ANKRD42: variants seen among roughly 807,000 people sequenced by gnomAD.
The protein encoded by ANKRD42 is ankyrin repeat domain-containing protein 42.
A neutral mutation model predicts 51.5 loss-of-function variants in ANKRD42; 43 were observed. The ratio of observed to expected loss-of-function variants is 0.83; its 90% CI spans 0.65 to 1.08. ANKRD42 has a LOEUF of 1.08. Among genes scored for constraint, ANKRD42 ranks in the 50% least tolerant of loss-of-function variants. ANKRD42 has a pLI of 0.00. For missense variants in ANKRD42, 608 were observed against 629.3 expected, an observed-to-expected ratio of 0.97 and a Z score of 0.36; for synonymous variants, 203 against 213.0, an observed-to-expected ratio of 0.95 and a Z score of 0.41.
At chr11:83,222,002 C>T (rs745316633) in intron 5 of ANKRD42, among the ~76,000 whole-genome samples, 3 of 152,190 alleles carry the variant, frequency 2.0e-5, no homozygotes, top group Non-Finnish European at 4.4e-5. Flanking sequence ...TTCACTTTTT[C>T]CAGTATAAAA....
At chr11:83,210,551 C>G in intron 4 of ANKRD42, 132 bp downstream of exon 4, 1 of 1,122,900 alleles carries the variant, frequency 8.9e-7, no homozygotes, top group East Asian at 2.6e-5. Context: ...ATTTTTCTCT[C>G]TAGCTTTTCT....
chr11:83,206,758 T>A (rs1862092771), intron 3 of ANKRD42, among the ~76,000 whole-genome samples: 1 of 152,188 alleles, frequency 6.6e-6, no homozygotes, highest in South Asian at 2.1e-4. Context: ...TGCTCCCCAG[T>A]TTATGATATT....
intron 3 of ANKRD42, among the ~76,000 whole-genome samples, chr11:83,208,683 A>G (rs1862181275): frequency 6.6e-6 from 1 of 152,192 alleles, no homozygotes; most frequent in African/African-American, 2.4e-5. Flanking sequence ...ATAACAGATA[A>G]TTATGATGGA....
rs1397088390 is a variant in ANKRD42, at chr11:83,248,899, T to C, written c.*695T>C. ...CTATGCATATGCAAATATAACCACTTCCTCAGTTTCTCTGGGTTTTGGTGT... is the reference window on the plus strand; with the variant it reads ...CTATGCATATGCAAATATAACCACTCCCTCAGTTTCTCTGGGTTTTGGTGT... On this transcript the variant is annotated 3_prime_UTR_variant, in exon 11 of 11. Transcript: ENST00000533342. 1 of 982,718 alleles carries C rather than the reference T, an allele frequency of 1.0e-6. No individual in the cohort carries two copies. The highest frequency in any genetic ancestry group is 1.2e-6 in the Non-Finnish European group (1 of 827,604). The allele number at this position is 982,718 out of a possible 1,614,324, so 60.9% of individuals were successfully genotyped here. A position where few individuals can be genotyped will look rare whatever the true frequency, so the allele number is the denominator to read the frequency against.
chr11:83,225,685 CAGG>C (rs1201760598), intron 6 of ANKRD42, among the ~76,000 whole-genome samples: 1 of 146,346 alleles, frequency 6.8e-6, no homozygotes, highest in Non-Finnish European at 1.5e-5. Flanking sequence ...GAGGTTCAGG[CAGG>C]AGAATCACCT....
At chr11:83,243,792 G>A (rs144666028) in intron 9 of ANKRD42, among the ~76,000 whole-genome samples, 2,741 of 151,880 alleles carry the variant, frequency 0.018, 64 homozygotes, top group African/African-American at 0.058. Context: ...CTCCTGAGTA[G>A]CTGGGACTAC....
chr11:83,245,505 TTA>T lies in ANKRD42; in HGVS notation c.1204_1205del (p.Tyr402GlnfsTer18). 1 of 1,536,190 alleles carries T rather than the reference TTA, an allele frequency of 6.5e-7. No homozygotes were observed. ...LDKTDARMRA[Y>X]KKIVELRHLL... ...CTCAACTCTGTCTTGCAGTGAGAGC[TTA>T]CAAGAAAATTGTAGAATTGAGACAC... On this transcript the variant is annotated frameshift_variant, in exon 10 of 11. Transcript: ENST00000533342. LOFTEE classifies it high-confidence loss of function.
intron 3 of ANKRD42, 75 bp from the exon 4 acceptor site, chr11:83,210,225 T>A (rs1862256141): frequency 6.9e-7 from 1 of 1,455,544 alleles, no homozygotes; most frequent in African/African-American, 1.4e-5. Flanking sequence ...TTGCTTGCCT[T>A]TGTATAATCT....
chr11:83,229,738 A>G (rs1863010834), intron 7 of ANKRD42, among the ~76,000 whole-genome samples: 1 of 152,200 alleles, frequency 6.6e-6, no homozygotes, highest in African/African-American at 2.4e-5. Context: ...TCGTGAGTCC[A>G]TCCATCAAGG....
At position 83,224,984 on chromosome 11, in the gene ANKRD42, T is replaced by G; in HGVS notation, c.716T>G (p.Phe239Cys). 1 of 1,613,736 alleles carries G rather than the reference T, an allele frequency of 6.2e-7. No homozygotes were observed. Among genetic ancestry groups the G allele is most frequent in the Non-Finnish European group, 8.5e-7 (1 of 1,179,754 alleles). The change falls in exon 6 of 11, where the codon TTC (phenylalanine) becomes TGC (cysteine). Residue 239 changes from phenylalanine (F) to cysteine (C), a missense_variant. Transcript: ENST00000533342. The part of the protein sequence containing the change: ...GENVLDLAQR[F>C]FKQNILQFIQ... ...AATGTACTGGATTTGGCCCAGAGGT[T>G]CTTCAAGCAGAACATTTTACAGTTT... is the stretch of plus-strand genomic sequence containing the variant.
chr11:83,209,823 A>G, intron 3 of ANKRD42: 2 of 537,792 alleles, frequency 3.7e-6, no homozygotes, highest in East Asian at 6.8e-5. Flanking sequence ...ACCATAGCCC[A>G]GCCAGATGAG....
downstream of ANKRD42, among the ~76,000 whole-genome samples, chr11:83,256,515 G>T (rs1284346976): frequency 6.6e-6 from 1 of 152,138 alleles, no homozygotes; most frequent in Non-Finnish European, 1.5e-5. Context: ...TGGCTTTTCA[G>T]TTCAGTTCTG....
intron 5 of ANKRD42, chr11:83,213,068 C>G: frequency 6.2e-7 from 1 of 1,600,262 alleles, no homozygotes; most frequent in Non-Finnish European, 8.5e-7. Context: ...GAAGTTCTTC[C>G]GGCACCAGAC....
chr11:83,209,346 G>A, intron 3 of ANKRD42: 3 of 1,238,496 alleles, frequency 2.4e-6, no homozygotes, highest in Non-Finnish European at 3.5e-6. Flanking sequence ...GTGCTGCTGG[G>A]AGTTGCTTGG....
At position 83,206,090 on chromosome 11, in the gene ANKRD42, T is replaced by C. The variant is rs1456068806; in HGVS notation, c.255T>C (p.Asp85=). ...CLHWLLWHGA[D]ITHVTTRGWT... is the part of the protein sequence containing the mutation. ...ATTGGCTGCTCTGGCATGGAGCTGATATCACACACGTAACAACGAGAGGTT... is the reference window on the plus strand; with the variant it reads ...ATTGGCTGCTCTGGCATGGAGCTGACATCACACACGTAACAACGAGAGGTT... The change falls in exon 3 of 11, where the codon GAT becomes GAC. Residue 85 remains aspartate (D), a synonymous_variant. Coordinates refer to ENST00000533342, the MANE Select transcript of ANKRD42 (RefSeq NM_001300975.2). 6.2e-7 allele frequency: 1 copy of C among 1,614,098 alleles called. No homozygotes were observed. Among genetic ancestry groups the C allele is most frequent in the African/African-American group, 1.3e-5 (1 of 75,054 alleles).
At chr11:83,197,627 T>C (rs1006464921) in intron 1 of ANKRD42, among the ~76,000 whole-genome samples, 2 of 152,212 alleles carry the variant, frequency 1.3e-5, no homozygotes, top group Non-Finnish European at 2.9e-5. Flanking sequence ...ATGCCTGTTT[T>C]ATTTAGAGAA....
chr11:83,241,775 G>T (rs1033865244), intron 9 of ANKRD42, among the ~76,000 whole-genome samples: 11 of 152,112 alleles, frequency 7.2e-5, no homozygotes, highest in African/African-American at 2.7e-4. Context: ...GGGATTCAGG[G>T]TGGGGAATGA....
intron 5 of ANKRD42, among the ~76,000 whole-genome samples, chr11:83,222,686 A>G (rs1272838859): frequency 6.6e-6 from 1 of 152,162 alleles, no homozygotes; most frequent in African/African-American, 2.4e-5. Flanking sequence ...GAGTAATAGT[A>G]AGTCAGTAAG....
intron 7 of ANKRD42, among the ~76,000 whole-genome samples, chr11:83,230,958 G>T (rs1863052403): frequency 6.6e-6 from 1 of 152,152 alleles, no homozygotes; most frequent in Non-Finnish European, 1.5e-5. Context: ...CCATTTATCT[G>T]TTGGTGGACA....
Sources: gnomAD v4.1 joint callset for allele counts (sites outside exome capture counted in the v4.1 genomes callset) on GRCh38, gnomAD v4.1.1 for gene constraint, MANE v1.5 for transcripts, NCBI Gene and HGNC (gene_info 2026-07-23, HGNC 2026-07-21) for gene names.